The following SULF2 variants were observed in gnomAD, a reference collection of about 807,000 sequenced individuals.
The protein encoded by SULF2 is extracellular sulfatase Sulf-2.
In SULF2, 52 loss-of-function variants were observed where a neutral mutation model predicts 107.7. The observed-to-expected ratio is 0.48, with a 90% CI of 0.39 to 0.61. The LOEUF is 0.61. Ranked by LOEUF, SULF2 falls within the 20% of genes least tolerant of loss-of-function variation. SULF2 has a pLI of 0.00. For missense variants in SULF2, 993 were observed against 1,177.3 expected, an observed-to-expected ratio of 0.84 and a Z score of 2.29; for synonymous variants, 460 against 464.3, an observed-to-expected ratio of 0.99 and a Z score of 0.12.
intron 14 of SULF2, among the ~76,000 whole-genome samples, chr20:47,664,968 CG>C (rs2087212071): frequency 6.6e-6 from 1 of 152,212 alleles, no homozygotes; most frequent in African/African-American, 2.4e-5. Context: ...GCAGCCAGCA[CG>C]GGTCTCTTGC....
chr20:47,727,636 A>G lies in SULF2; in HGVS notation c.415+9067T>C, dbSNP rs560763781. Among the ~76,000 whole-genome samples, 3 of 152,212 alleles carry G rather than the reference A, an allele frequency of 2.0e-5. No homozygotes were observed. The East Asian group carries it at 5.8e-4, about 29-fold the overall frequency. ...ATCAGCTTCCTCTTTCCCCGTGGCC[A>G]CTTCCTCTTACGGCGCAGGGAACCT... is the stretch of plus-strand genomic sequence containing the variant. On this transcript the variant is annotated intron_variant, in intron 3 of 20. Coordinates refer to ENST00000688720, the MANE Select transcript of SULF2 (RefSeq NM_001387048.1).
intron 2 of SULF2, among the ~76,000 whole-genome samples, chr20:47,744,188 T>C (rs2089953232): frequency 6.6e-6 from 1 of 152,116 alleles, no homozygotes; most frequent in African/African-American, 2.4e-5. Context: ...TGTGTAATTT[T>C]ATTGATTGTT....
chr20:47,718,552 A>C (rs929965637), intron 3 of SULF2, among the ~76,000 whole-genome samples: 1 of 152,202 alleles, frequency 6.6e-6, no homozygotes, highest in Non-Finnish European at 1.5e-5. Context: ...AGACTCTCAC[A>C]GTCATTCAGG....
chr20:47,664,842 G>A (rs187794151), intron 14 of SULF2, among the ~76,000 whole-genome samples: 2 of 152,380 alleles, frequency 1.3e-5, no homozygotes, highest in East Asian at 3.9e-4. Flanking sequence ...CTGTTCTAGA[G>A]TTCAGTCCTT....
intron 1 of SULF2, among the ~76,000 whole-genome samples, chr20:47,760,155 G>A (rs1232808483): frequency 3.3e-5 from 5 of 152,184 alleles, no homozygotes; most frequent in African/African-American, 1.2e-4. Flanking sequence ...GCTGGCCACT[G>A]TGTTCTCTGG....
chr20:47,732,854 A>C (rs2089645778), intron 3 of SULF2, among the ~76,000 whole-genome samples: 1 of 152,176 alleles, frequency 6.6e-6, no homozygotes, highest in Non-Finnish European at 1.5e-5. Context: ...AAAACAAACA[A>C]AAAAACAAAG....
intron 2 of SULF2, among the ~76,000 whole-genome samples, chr20:47,740,496 A>G (rs546809776): frequency 1.3e-4 from 20 of 152,266 alleles, no homozygotes; most frequent in Admixed American, 1.2e-3. Flanking sequence ...TCACATCACC[A>G]AACACCAGGG....
At chr20:47,767,012 G>A (rs1326697987) in intron 1 of SULF2, among the ~76,000 whole-genome samples, 2 of 152,070 alleles carry the variant, frequency 1.3e-5, no homozygotes, top group Non-Finnish European at 2.9e-5. Context: ...AGCGGACAGA[G>A]GTAAGCAAAC....
chr20:47,670,061 G>A (rs138561849), intron 11 of SULF2, among the ~76,000 whole-genome samples: 95 of 152,306 alleles, frequency 6.2e-4, no homozygotes, highest in African/African-American at 2.1e-3. Context: ...GTTATGGAGA[G>A]AGACTTATCT....
At chr20:47,771,607 G>A (rs971354628) in intron 1 of SULF2, among the ~76,000 whole-genome samples, 1 of 152,054 alleles carries the variant, frequency 6.6e-6, no homozygotes, top group Non-Finnish European at 1.5e-5. Flanking sequence ...GCTCAAAGCC[G>A]CCCAACAACA....
chr20:47,747,909 C>T (rs1011764414), intron 2 of SULF2, among the ~76,000 whole-genome samples: 2 of 152,140 alleles, frequency 1.3e-5, no homozygotes, highest in Admixed American at 1.3e-4. Flanking sequence ...CGGAATCCAC[C>T]CACCTCTCTC....
intron 17 of SULF2, among the ~76,000 whole-genome samples, chr20:47,662,701 T>C (rs1370652680): frequency 1.3e-5 from 2 of 152,218 alleles, no homozygotes; most frequent in African/African-American, 4.8e-5. Flanking sequence ...GTTACTGTTA[T>C]ATTAGCTGCG....
At chr20:47,659,872 A>T in intron 18 of SULF2, 142 bp from the exon 19 acceptor site, 1 of 669,586 alleles carries the variant, frequency 1.5e-6, no homozygotes, top group Non-Finnish European at 2.6e-6. Flanking sequence ...AGACTGAATT[A>T]TGAGGGGTAG....
At chr20:47,754,307 A>T (rs919856447) in intron 2 of SULF2, among the ~76,000 whole-genome samples, 3 of 152,252 alleles carry the variant, frequency 2.0e-5, no homozygotes, top group African/African-American at 7.2e-5. Context: ...GAACTGCTGC[A>T]CGGATGGGCA....
intron 3 of SULF2, among the ~76,000 whole-genome samples, chr20:47,717,679 C>T (rs923847070): frequency 3.9e-5 from 6 of 152,126 alleles, no homozygotes; most frequent in Non-Finnish European, 7.4e-5. Context: ...TTCATCCGGC[C>T]GTGGGCTTTT....
At chr20:47,716,398 G>T (rs939695569) in intron 3 of SULF2, among the ~76,000 whole-genome samples, 1 of 152,152 alleles carries the variant, frequency 6.6e-6, no homozygotes, top group African/African-American at 2.4e-5. Context: ...CCAGCTACTT[G>T]GGAGGCTGAG....
Position 47,680,833 on chromosome 20 carries a change from G to A in SULF2, c.1065-2029C>T, listed in dbSNP as rs944482435. On this transcript the variant is annotated intron_variant, in intron 7 of 20. Transcript: ENST00000688720. This position sits in a 1 kb window ranked among gnomAD's most constrained non-coding sequence, Gnocchi z 4.2. ...CCCCAGGCTCAGGGGAAGGAGGACA[G>A]TGGTTGCTTTTCCTGGCCAGCACCA... is the stretch of plus-strand genomic sequence containing the variant. Among the ~76,000 whole-genome samples the A allele has an allele frequency of 3.3e-5, 5 of 152,210 alleles. No individual in the cohort carries two copies. The highest frequency in any genetic ancestry group is 1.2e-4 in the African/African-American group (5 of 41,456).
At chr20:47,746,794 T>C (rs1034051349) in intron 2 of SULF2, among the ~76,000 whole-genome samples, 2 of 151,346 alleles carry the variant, frequency 1.3e-5, no homozygotes, top group African/African-American at 2.4e-5. Context: ...ATGAGAACAC[T>C]TGGACACAGG....
chr20:47,772,473 G>A (rs575643692), intron 1 of SULF2, among the ~76,000 whole-genome samples: 1 of 152,250 alleles, frequency 6.6e-6, no homozygotes, highest in Non-Finnish European at 1.5e-5. Context: ...ATTCTTGCTT[G>A]CCAAGGCCTC....
Sources: allele counts gnomAD v4.1 joint callset (sites outside exome capture counted in the v4.1 genomes callset), GRCh38; gene constraint gnomAD v4.1.1; non-coding constraint Gnocchi (gnomAD v3.1); transcripts MANE v1.5; gene names NCBI Gene and HGNC (gene_info 2026-07-23, HGNC 2026-07-21).